The following HLTF variants were observed in gnomAD, a reference collection of about 807,000 sequenced individuals.
HLTF encodes helicase like transcription factor.
Under a neutral mutation model 129.4 loss-of-function variants are expected in HLTF, and 127 were observed. The ratio of observed to expected loss-of-function variants is 0.98; its 90% CI spans 0.85 to 1.14. The LOEUF (loss-of-function observed/expected upper bound fraction) is 1.14, where lower values mean the gene tolerates loss of function less well. Ranked by LOEUF, HLTF falls within the 50% of genes most tolerant of loss-of-function variation. HLTF has a pLI of 0.00. For synonymous variants in HLTF, 332 were observed against 388.8 expected, an observed-to-expected ratio of 0.85 and a Z score of 1.72; for missense variants, 1,139 against 1,187.1, an observed-to-expected ratio of 0.96 and a Z score of 0.60.
Position 149,042,270 on chromosome 3 carries a change from A to T in HLTF, c.2093T>A (p.Val698Asp). 1 of 1,611,782 alleles carries T rather than the reference A, an allele frequency of 6.2e-7. No homozygotes were observed. Among genetic ancestry groups the T allele is most frequent in the Non-Finnish European group, 8.5e-7 (1 of 1,178,502 alleles). Residue 698 changes from valine (V) to aspartate (D), a missense_variant, in exon 19 of 25, where the codon GTC becomes GAC. Coordinates refer to ENST00000310053, the MANE Select transcript of HLTF (RefSeq NM_003071.4). Reference sequence around the variant, plus strand: ...CAGGACATCTGCATAATGTGCCAGGACAGTCCCTTCATTAAAATACCTAGA... The same window carrying T: ...CAGGACATCTGCATAATGTGCCAGGTCAGTCCCTTCATTAAAATACCTAGA... ...TIGRYFNEGT[V>D]LAHYADVLGL...
At chr3:149,067,964 C>T (rs1706300176) in intron 8 of HLTF, among the ~76,000 whole-genome samples, 5 of 151,978 alleles carry the variant, frequency 3.3e-5, no homozygotes, top group South Asian at 2.1e-4. Flanking sequence ...GACAACATGG[C>T]GAAATCCCAC....
At chr3:149,062,989 G>T in intron 10 of HLTF, 1 of 453,412 alleles carries the variant, frequency 2.2e-6, no homozygotes, top group Admixed American at 2.4e-5. Flanking sequence ...GATCTTGGTA[G>T]TTTCAAATAA....
intron 17 of HLTF, among the ~76,000 whole-genome samples, chr3:149,047,435 A>G (rs566586798): frequency 1.3e-5 from 2 of 152,274 alleles, no homozygotes; most frequent in Admixed American, 6.5e-5. Context: ...TGAGGTCAGA[A>G]GTTTGAGACT....
At chr3:149,058,711 G>C (rs979611509) in intron 13 of HLTF, among the ~76,000 whole-genome samples, 1 of 152,104 alleles carries the variant, frequency 6.6e-6, no homozygotes, top group Non-Finnish European at 1.5e-5. Context: ...AGGACAATCA[G>C]GATTATGGCT....
intron 20 of HLTF, 54 bp from the exon 21 acceptor site, chr3:149,040,210 A>G: frequency 6.6e-7 from 1 of 1,514,982 alleles, no homozygotes; most frequent in Non-Finnish European, 8.9e-7. Context: ...ACAAATATAA[A>G]TATGCCTAAA....
intron 14 of HLTF, among the ~76,000 whole-genome samples, chr3:149,051,763 G>A (rs1717020237): frequency 2.0e-5 from 3 of 152,050 alleles, no homozygotes; most frequent in South Asian, 2.1e-4. Context: ...CCAGCTACTC[G>A]GGAGGCTAAG....
chr3:149,074,353 T>C lies in HLTF; in HGVS notation c.396-5A>G, dbSNP rs745839598. ...TTTGCACCAAAAGGAACTACCCTAT[T>C]ATATTTGGGAGAAAAAGAAAGGGAA... is the stretch of plus-strand genomic sequence containing the variant. On this transcript the variant is annotated splice_region_variant and splice_polypyrimidine_tract_variant and intron_variant, in intron 3 of 24. Transcript: ENST00000310053. The C allele has an allele frequency of 5.0e-6, 8 of 1,591,854 alleles. No homozygotes were observed. The African/African-American group carries it at 1.1e-4, about 22-fold the overall frequency.
At chr3:149,048,755 T>C in intron 16 of HLTF, 108 bp downstream of exon 16, 1 of 746,700 alleles carries the variant, frequency 1.3e-6, no homozygotes, top group Non-Finnish European at 2.2e-6. Flanking sequence ...ATGATTAATT[T>C]TGGGGCAGAA....
chr3:149,059,956 AT>A, intron 12 of HLTF, 149 bp from the exon 13 acceptor site: 1 of 575,316 alleles, frequency 1.7e-6, no homozygotes, highest in Non-Finnish European at 3.0e-6. Flanking sequence ...GGTAACCAAA[AT>A]TACTACCTCT....
chr3:149,068,004 T>C (rs1718543177), intron 8 of HLTF, among the ~76,000 whole-genome samples: 2 of 152,054 alleles, frequency 1.3e-5, no homozygotes, highest in African/African-American at 4.8e-5. Context: ...GAGGTTACAG[T>C]GAGCTGAGAT....
chr3:149,049,320 A>C (rs889054821), intron 15 of HLTF, among the ~76,000 whole-genome samples: 1 of 152,166 alleles, frequency 6.6e-6, no homozygotes, highest in African/African-American at 2.4e-5. Flanking sequence ...AATACACTGA[A>C]CTGTTCTACC....
chr3:149,041,972 G>C, intron 19 of HLTF, 194 bp downstream of exon 19: 2 of 597,360 alleles, frequency 3.3e-6, no homozygotes, highest in South Asian at 4.5e-5. Flanking sequence ...GGAATTCCTG[G>C]AAAGACCTCA....
rs553977086 is a variant in HLTF, at chr3:149,050,129, A to G, written c.1617+103T>C. ...TATATATCGTTAAGTATCTAAAGAG[A>G]AAAAAAAAGTATAAAGCCTGAATTT... is the stretch of plus-strand genomic sequence containing the variant. On this transcript the variant is annotated intron_variant, in intron 15 of 24. Transcript: ENST00000310053. 188 of 582,178 alleles carry G rather than the reference A, an allele frequency of 3.2e-4. No individual in the cohort carries two copies. In the African/African-American group the frequency reaches 3.4e-3, roughly 11 times the overall value. The allele number at this position is 582,178 out of a possible 1,614,324, so 36.1% of individuals were successfully genotyped here.
intron 13 of HLTF, 42 bp downstream of exon 13, chr3:149,059,676 A>AG: frequency 2.5e-6 from 3 of 1,218,578 alleles, no homozygotes; most frequent in Non-Finnish European, 3.5e-6. Context: ...ATTCAAAAAC[A>AG]GAAAAAAAAC....
chr3:149,039,182 T>C lies in HLTF; in HGVS notation c.2663A>G (p.Lys888Arg), dbSNP rs1467787302. The part of the protein sequence containing the change: ...FTRLDGSMAQ[K>R]KRVESIQCFQ... ...ACACTGAATTGATTCAACTCTTTTCTTTTGGGCCATGGAACCATCCAAACG... is the reference window on the plus strand; with the variant it reads ...ACACTGAATTGATTCAACTCTTTTCCTTTGGGCCATGGAACCATCCAAACG... Residue 888 changes from lysine to arginine, a missense_variant, in exon 23 of 25, where the codon AAG becomes AGG. Physicochemically the swap from Lys to Arg is conservative, Grantham distance 26. Transcript: ENST00000310053. 8 of 1,609,022 alleles carry C rather than the reference T, an allele frequency of 5.0e-6. No homozygotes were observed. Among genetic ancestry groups the C allele is most frequent in the Middle Eastern group, 3.3e-4 (2 of 6,042 alleles).
At chr3:149,074,695 G>T (rs1018495988) in intron 3 of HLTF, among the ~76,000 whole-genome samples, 1 of 152,108 alleles carries the variant, frequency 6.6e-6, no homozygotes, top group African/African-American at 2.4e-5. Flanking sequence ...AACTCATTCT[G>T]CTTGGAAAAT....
At chr3:149,036,321 G>A (rs1214098774) in intron 23 of HLTF, among the ~76,000 whole-genome samples, 4 of 76,608 alleles carry the variant, frequency 5.2e-5, no homozygotes, top group Non-Finnish European at 7.0e-5. Context: ...ATGGAGTCTC[G>A]CTCTGTCACC....
In HLTF at chr3:149,032,324, TG is replaced by T. The variant is rs771804528; in HGVS notation, c.2925del (p.Asn975LysfsTer21). The stretch of plus-strand genomic sequence containing the variant: ...GCTCCTGCTGCAAGTTCTCTCTTTT[TG>T]TTTTGTATTTTCAGCATATTTTCTT... The part of the protein sequence containing the change: ...SVEENMLKIQ[N>X]KKRELAAGAF... On this transcript the variant is annotated frameshift_variant, in exon 25 of 25. Transcript: ENST00000310053. LOFTEE classifies it high-confidence loss of function. 6.3e-7 allele frequency: 1 copy of T among 1,595,836 alleles called. No homozygotes were observed. Among genetic ancestry groups the T allele is most frequent in the Admixed American group, 1.7e-5 (1 of 57,224 alleles).
At position 149,063,531 on chromosome 3, in the gene HLTF, C is replaced by T. The variant is rs778596876; in HGVS notation, c.1067-7G>A. 4.6e-6 allele frequency: 7 copies of T among 1,528,450 alleles called. No homozygotes were observed. The South Asian group carries it at 6.7e-5, about 15-fold the overall frequency. The allele number at this position is 1,528,450 out of a possible 1,614,324, so 94.7% of individuals were successfully genotyped here. Reference sequence around the variant, plus strand: ...TCACTACATCTAGATGCGTCTATTTCAAAGAAAAATGCAAATATAAAGTAT... The same window carrying T: ...TCACTACATCTAGATGCGTCTATTTTAAAGAAAAATGCAAATATAAAGTAT... On this transcript the variant is annotated splice_region_variant and splice_polypyrimidine_tract_variant and intron_variant, in intron 9 of 24. Coordinates refer to ENST00000310053, the MANE Select transcript of HLTF (RefSeq NM_003071.4).
Sources: gnomAD v4.1 joint callset for allele counts (sites outside exome capture counted in the v4.1 genomes callset) on GRCh38, gnomAD v4.1.1 for gene constraint, MANE v1.5 for transcripts, NCBI Gene and HGNC (gene_info 2026-07-23, HGNC 2026-07-21) for gene names.